The following XXYLT1 variants were observed in gnomAD, a reference collection of about 807,000 sequenced individuals.
The protein encoded by XXYLT1 is xyloside xylosyltransferase 1.
Under a neutral mutation model 28.9 loss-of-function variants are expected in XXYLT1, and 20 were observed. The observed-to-expected ratio is 0.69, with a 90% CI of 0.49 to 1.00. XXYLT1 has a LOEUF of 1.00. Ranked by LOEUF, XXYLT1 falls within the 50% of genes least tolerant of loss-of-function variation. The pLI, the probability that XXYLT1 is intolerant of heterozygous loss-of-function variation, is 0.00. For synonymous variants in XXYLT1, 257 were observed against 253.8 expected (o/e 1.01, Z -0.12); for missense variants, 542 against 560.1 (o/e 0.97, Z 0.33).
intron 3 of XXYLT1, among the ~76,000 whole-genome samples, chr3:195,140,390 C>A (rs1260568830): frequency 6.6e-6 from 1 of 152,192 alleles, no homozygotes; most frequent in Non-Finnish European, 1.5e-5. Context: ...GTGGGAGGCA[C>A]CCTTACTGTT....
intron 1 of XXYLT1, among the ~76,000 whole-genome samples, chr3:195,233,007 G>T (rs1244914503): frequency 6.6e-6 from 1 of 152,100 alleles, no homozygotes; most frequent in Admixed American, 6.6e-5. Flanking sequence ...TTGTATTGGG[G>T]TCTATCTCCA....
rs560049577 is a variant in XXYLT1, at chr3:195,214,986, T to C, written c.652+11723A>G. The C allele has an allele frequency of 1.6e-4, 24 of 151,420 alleles. No individual in the cohort carries two copies. In the East Asian group the frequency reaches 3.7e-3, roughly 23 times the overall value. 9.4% of individuals were successfully genotyped at this position (151,420 alleles called of 1,614,324 possible). A position where few individuals can be genotyped will look rare whatever the true frequency, so the allele number is the denominator to read the frequency against. On this transcript the variant is annotated intron_variant, in intron 2 of 3. Transcript: ENST00000310380. ...ACAGCGGATCTCTCGGCAGAAACCC[T>C]ACAAGCCAGAAGAGAGTGGGGGCCA...
At position 195,225,196 on chromosome 3, in the gene XXYLT1, A is replaced by C. The variant is rs118079875; in HGVS notation, c.652+1513T>G. Among the ~76,000 whole-genome samples, 4 of 152,246 alleles carry C rather than the reference A, an allele frequency of 2.6e-5. No homozygotes were observed. The East Asian group carries it at 7.7e-4, about 29-fold the overall frequency. On this transcript the variant is annotated intron_variant, in intron 2 of 3. Coordinates refer to ENST00000310380, the MANE Select transcript of XXYLT1 (RefSeq NM_152531.5). The stretch of plus-strand genomic sequence containing the variant: ...TGCACCTGGGTCACTGCAAAGGCTC[A>C]CCAATGCTAGATCTTCACCCTAGGC...
rs1474554350 is a variant in XXYLT1, at chr3:195,243,312, A to C, written c.505-16456T>G. Among the ~76,000 whole-genome samples, 4 of 151,978 alleles carry C rather than the reference A, an allele frequency of 2.6e-5. No homozygotes were observed. The East Asian group carries it at 7.7e-4, about 29-fold the overall frequency. On this transcript the variant is annotated intron_variant, in intron 1 of 3. Transcript: ENST00000310380. ...CATCATGGCACATGTATACATATGTAACAAACCTGCACGTTGTACACATGT... is the reference window on the plus strand; with the variant it reads ...CATCATGGCACATGTATACATATGTCACAAACCTGCACGTTGTACACATGT...
At chr3:195,145,306 A>G (rs1291110898) in intron 3 of XXYLT1, among the ~76,000 whole-genome samples, 2 of 152,062 alleles carry the variant, frequency 1.3e-5, no homozygotes, top group African/African-American at 4.8e-5. Context: ...GGTTACCAGC[A>G]TTGATGGGGC....
chr3:195,188,849 T>G (rs76018630), intron 2 of XXYLT1, among the ~76,000 whole-genome samples: 1 of 152,212 alleles, frequency 6.6e-6, no homozygotes, highest in Non-Finnish European at 1.5e-5. Context: ...CACAAAAATT[T>G]TGTGACAACA....
intron 1 of XXYLT1, among the ~76,000 whole-genome samples, chr3:195,269,634 A>G (rs755202): frequency 0.028 from 4,287 of 152,308 alleles, 138 homozygotes; most frequent in East Asian, 0.11. Context: ...GATCCTGGCA[A>G]CAGCTCCCCT....
chr3:195,108,898 T>C (rs1164159263), intron 3 of XXYLT1, among the ~76,000 whole-genome samples: 1 of 152,234 alleles, frequency 6.6e-6, no homozygotes, highest in African/African-American at 2.4e-5. Context: ...AACACCCTAC[T>C]GGTAACGTCA....
chr3:195,145,297 G>C (rs1041047726), intron 3 of XXYLT1, among the ~76,000 whole-genome samples: 1 of 152,062 alleles, frequency 6.6e-6, no homozygotes, highest in Non-Finnish European at 1.5e-5. Flanking sequence ...TCACTCCACG[G>C]TTACCAGCAT....
rs1165004113 is a variant in XXYLT1 at position 195,257,216 on chromosome 3, G to A, written c.504+13339C>T. ...CATCCCACCCCGGCCTTCCATGGCT[G>A]CACTCACACCCCACTGCCCACCGTG... On this transcript the variant is annotated intron_variant, in intron 1 of 3. Coordinates refer to ENST00000310380, the MANE Select transcript of XXYLT1 (RefSeq NM_152531.5). The surrounding 1 kb of genome is among the most constrained non-coding windows in gnomAD (Gnocchi z 4.3). 1.3e-5 allele frequency among the ~76,000 whole-genome samples: 2 copies of A among 152,146 alleles called. No individual in the cohort carries two copies. The highest frequency in any genetic ancestry group is 4.8e-5 in the African/African-American group (2 of 41,428).
intron 3 of XXYLT1, chr3:195,154,217 G>A (rs1720439010): frequency 2.0e-5 from 3 of 152,218 alleles, no homozygotes. Context: ...GCCAGCGCCA[G>A]GGAAAGGGAG....
chr3:195,213,030 C>T (rs1221035190), intron 2 of XXYLT1, among the ~76,000 whole-genome samples: 1 of 152,238 alleles, frequency 6.6e-6, no homozygotes, highest in Non-Finnish European at 1.5e-5. Flanking sequence ...CCCAATCCCT[C>T]TGGGTCCAAG....
intron 3 of XXYLT1, among the ~76,000 whole-genome samples, chr3:195,134,831 GT>G: frequency 4.8e-5 from 2 of 42,016 alleles, no homozygotes; most frequent in South Asian, 6.3e-4. Context: ...AGAGGGGTGT[GT>G]GTGTGTGTGT....
Position 195,078,086 on chromosome 3 carries a change from G to A in XXYLT1, c.786-7975C>T, listed in dbSNP as rs1018974543. ...AGCCTGGATCCCTACTCAGACGGCG[G>A]AGCCAGAAACAGCCATGGCGGAGCT... On this transcript the variant is annotated intron_variant, in intron 3 of 3. Transcript: ENST00000310380. The surrounding 1 kb of genome is among the most constrained non-coding windows in gnomAD (Gnocchi z 5.0). 6.6e-6 allele frequency among the ~76,000 whole-genome samples: 1 copy of A among 152,148 alleles called. No individual in the cohort carries two copies. The highest frequency in any genetic ancestry group is 1.5e-5 in the Non-Finnish European group (1 of 68,018).
intron 3 of XXYLT1, among the ~76,000 whole-genome samples, chr3:195,143,896 TTTA>T (rs2108653151): frequency 7.6e-6 from 1 of 131,862 alleles, no homozygotes. Context: ...ATATTTATTT[TTTA>T]TTTTTATTTT....
intron 3 of XXYLT1, chr3:195,121,968 T>C (rs1718381954): frequency 1.4e-6 from 1 of 695,364 alleles, no homozygotes; most frequent in Non-Finnish European, 2.6e-6. Context: ...TAGTTCAAGC[T>C]ATTATAACAA....
chr3:195,084,394 GA>G (rs1390591654), intron 3 of XXYLT1, among the ~76,000 whole-genome samples: 2 of 152,082 alleles, frequency 1.3e-5, no homozygotes, highest in Admixed American at 1.3e-4. Flanking sequence ...TCTTCTCGCT[GA>G]AAAAAACCTA....
intron 3 of XXYLT1, among the ~76,000 whole-genome samples, chr3:195,083,979 T>C (rs1389241976): frequency 2.6e-5 from 4 of 152,096 alleles, no homozygotes; most frequent in African/African-American, 7.2e-5. Flanking sequence ...CGAGCCGAGA[T>C]TGCACCACGG....
intron 1 of XXYLT1, among the ~76,000 whole-genome samples, chr3:195,247,059 A>C (rs1206989379): frequency 6.6e-6 from 1 of 152,054 alleles, no homozygotes; most frequent in Non-Finnish European, 1.5e-5. Flanking sequence ...TCCCTAATTC[A>C]CCTTTTCTAT....
Sources: allele counts gnomAD v4.1 joint callset (sites outside exome capture counted in the v4.1 genomes callset), GRCh38; gene constraint gnomAD v4.1.1; non-coding constraint Gnocchi (gnomAD v3.1); transcripts MANE v1.5; gene names NCBI Gene and HGNC (gene_info 2026-07-23, HGNC 2026-07-21).